ZFAND3: variants seen among roughly 807,000 people sequenced by gnomAD.
ZFAND3 encodes AN1-type zinc finger protein 3.
In ZFAND3, 10 loss-of-function variants were observed where a neutral mutation model predicts 29.6. The ratio of observed to expected loss-of-function variants is 0.34; its 90% CI spans 0.21 to 0.57. The LOEUF (loss-of-function observed/expected upper bound fraction) is 0.57. Ranked by LOEUF, ZFAND3 falls within the 20% of genes least tolerant of loss-of-function variation. The probability of loss-of-function intolerance (pLI) is 0.86; values close to 1 mark genes in which losing one functional copy is unlikely to be tolerated. For missense variants in ZFAND3, 230 were observed against 304.5 expected (o/e 0.76, Z 1.82); for synonymous variants, 128 against 112.6 (o/e 1.14, Z -0.87).
intron 2 of ZFAND3, among the ~76,000 whole-genome samples, chr6:37,949,417 T>G (rs772848650): frequency 5.4e-4 from 82 of 152,020 alleles, no homozygotes; most frequent in Non-Finnish European, 8.4e-4. Context: ...CAAATGTGTG[T>G]GGGGGGGTCT....
intron 5 of ZFAND3, among the ~76,000 whole-genome samples, chr6:38,144,218 AATATATATATATAT>A (rs1766048987): frequency 6.4e-5 from 2 of 31,446 alleles, no homozygotes; most frequent in South Asian, 6.9e-4. Context: ...TATAATATAT[AATATATATATATAT>A]TTTTTTTTTA....
chr6:38,021,540 T>C (rs902279140), intron 2 of ZFAND3, among the ~76,000 whole-genome samples: 1 of 152,242 alleles, frequency 6.6e-6, no homozygotes, highest in Non-Finnish European at 1.5e-5. Context: ...ACTGCTCTTA[T>C]GTAACATTGA....
At chr6:38,139,131 A>T (rs1446917659) in intron 5 of ZFAND3, among the ~76,000 whole-genome samples, 2 of 152,290 alleles carry the variant, frequency 1.3e-5, no homozygotes, top group Admixed American at 1.3e-4. Flanking sequence ...ATTTTAAGAA[A>T]CAGAAAAGTG....
intron 1 of ZFAND3, among the ~76,000 whole-genome samples, chr6:37,884,966 A>G (rs1156713785): frequency 6.6e-6 from 1 of 152,136 alleles, no homozygotes; most frequent in Non-Finnish European, 1.5e-5. Context: ...AGATGAGTAA[A>G]TCTAACAAGG....
intron 2 of ZFAND3, among the ~76,000 whole-genome samples, chr6:38,046,032 CATT>C (rs1178158465): frequency 6.6e-6 from 1 of 152,174 alleles, no homozygotes; most frequent in Non-Finnish European, 1.5e-5. Context: ...CACCATCCCT[CATT>C]ATAGAAGCCA....
chr6:38,018,604 T>G (rs776031852), intron 2 of ZFAND3, among the ~76,000 whole-genome samples: 6 of 152,082 alleles, frequency 3.9e-5, no homozygotes, highest in Non-Finnish European at 7.4e-5. Context: ...TTCTTGGAGG[T>G]CATTTCGTAT....
At chr6:37,880,570 A>G (rs1174560700) in intron 1 of ZFAND3, among the ~76,000 whole-genome samples, 3 of 152,190 alleles carry the variant, frequency 2.0e-5, no homozygotes, top group Admixed American at 1.3e-4. Context: ...AAGGAGTTAA[A>G]AAGTGTGTAT....
intron 1 of ZFAND3, among the ~76,000 whole-genome samples, chr6:37,912,244 T>C (rs1221483960): frequency 6.6e-6 from 1 of 152,144 alleles, no homozygotes; most frequent in African/African-American, 2.4e-5. Context: ...AGTCGGATCC[T>C]GATCCCAGTG....
chr6:38,056,167 T>A (rs1014276453), intron 2 of ZFAND3, among the ~76,000 whole-genome samples: 4 of 152,166 alleles, frequency 2.6e-5, no homozygotes, highest in African/African-American at 7.2e-5. Context: ...TAGTGAAAAG[T>A]TGGTAAATGA....
intron 1 of ZFAND3, among the ~76,000 whole-genome samples, chr6:37,824,092 A>G (rs558177805): frequency 7.9e-5 from 12 of 152,358 alleles, no homozygotes; most frequent in South Asian, 2.1e-4. Flanking sequence ...TATTAACGTC[A>G]TATTTTTAGG....
intron 2 of ZFAND3, among the ~76,000 whole-genome samples, chr6:38,035,885 C>T (rs1032400002): frequency 2.0e-5 from 3 of 152,106 alleles, no homozygotes; most frequent in Admixed American, 1.3e-4. Context: ...GGAAATTGTC[C>T]TAAGGGCACA....
chr6:37,969,568 A>G (rs1317028081), intron 2 of ZFAND3, among the ~76,000 whole-genome samples: 2 of 152,226 alleles, frequency 1.3e-5, no homozygotes, highest in Admixed American at 6.5e-5. Context: ...ATGAGTACTC[A>G]AAGTATGGTT....
chr6:37,919,316 T>C (rs1761329220), intron 1 of ZFAND3, among the ~76,000 whole-genome samples: 1 of 152,224 alleles, frequency 6.6e-6, no homozygotes, highest in South Asian at 2.1e-4. Flanking sequence ...TTAAAGGTCA[T>C]GGATTATATA....
intron 1 of ZFAND3, among the ~76,000 whole-genome samples, chr6:37,844,858 A>AG (rs980919330): frequency 9.9e-5 from 15 of 151,626 alleles, no homozygotes; most frequent in Admixed American, 7.2e-4. Flanking sequence ...ACTAAAAAAA[A>AG]AAAAAAATAC....
At chr6:38,139,616 A>G (rs1581952508) in intron 5 of ZFAND3, among the ~76,000 whole-genome samples, 1 of 152,170 alleles carries the variant, frequency 6.6e-6, no homozygotes, top group Non-Finnish European at 1.5e-5. Flanking sequence ...AGCGGCAGCC[A>G]GGGTTGAGAT....
intron 4 of ZFAND3, among the ~76,000 whole-genome samples, chr6:38,092,038 T>C (rs1764883765): frequency 6.6e-6 from 1 of 152,204 alleles, no homozygotes; most frequent in Admixed American, 6.5e-5. Context: ...ATGGTCCCAT[T>C]GCCTCTCCCG....
At chr6:37,921,431 T>C (rs1761376501) in intron 1 of ZFAND3, among the ~76,000 whole-genome samples, 1 of 151,476 alleles carries the variant, frequency 6.6e-6, no homozygotes, top group Non-Finnish European at 1.5e-5. Flanking sequence ...TCCAGTTGGG[T>C]TAAAAAAAAA....
At chr6:37,984,734 T>C (rs1405946036) in intron 2 of ZFAND3, among the ~76,000 whole-genome samples, 1 of 152,134 alleles carries the variant, frequency 6.6e-6, no homozygotes, top group African/African-American at 2.4e-5. Context: ...TCTATAAGAG[T>C]GAGCTACTCG....
intron 1 of ZFAND3, among the ~76,000 whole-genome samples, chr6:37,924,425 C>T (rs1761444640): frequency 6.6e-6 from 1 of 150,980 alleles, no homozygotes; most frequent in South Asian, 2.1e-4. Context: ...CCAAAGGAGT[C>T]TTTGCTCTTA....
Sources: gnomAD v4.1 joint callset for allele counts (sites outside exome capture counted in the v4.1 genomes callset) on GRCh38, gnomAD v4.1.1 for gene constraint, MANE v1.5 for transcripts, NCBI Gene and HGNC (gene_info 2026-07-23, HGNC 2026-07-21) for gene names.